The following SPOCK1 variants were observed in gnomAD, a reference collection of about 807,000 sequenced individuals.
SPOCK1 encodes testican-1.
SPOCK1 carries 23 observed loss-of-function variants against 55.3 expected under a neutral mutation model. That is an observed-to-expected ratio of 0.42 (90% CI 0.30 to 0.59). SPOCK1 has a LOEUF of 0.59. Ranked by LOEUF, SPOCK1 falls within the 20% of genes least tolerant of loss-of-function variation. The pLI is 0.22. For missense variants in SPOCK1, 499 were observed against 552.5 expected (o/e 0.90, Z 0.97); for synonymous variants, 226 against 221.0 (o/e 1.02, Z -0.20).
intron 5 of SPOCK1, among the ~76,000 whole-genome samples, chr5:137,090,324 C>T (rs1561605565): frequency 6.6e-6 from 1 of 152,190 alleles, no homozygotes; most frequent in Admixed American, 6.5e-5. Context: ...ACAGACACAT[C>T]TGTGAATACC....
At chr5:137,277,443 C>T (rs1448703245) in intron 2 of SPOCK1, among the ~76,000 whole-genome samples, 2 of 152,104 alleles carry the variant, frequency 1.3e-5, no homozygotes, top group Non-Finnish European at 2.9e-5. Context: ...TGCCTGACTT[C>T]GAAGATCATG....
intron 5 of SPOCK1, among the ~76,000 whole-genome samples, chr5:137,097,870 AC>A (rs1561608083): frequency 2.6e-5 from 4 of 152,198 alleles, no homozygotes; most frequent in African/African-American, 9.6e-5. Context: ...TCTGCCCTCA[AC>A]CAGAGGTGCC....
intron 3 of SPOCK1, among the ~76,000 whole-genome samples, chr5:137,202,815 TA>T (rs1407514549): frequency 6.6e-6 from 1 of 152,218 alleles, no homozygotes; most frequent in Admixed American, 6.5e-5. Context: ...AGTTCTTCTA[TA>T]AATAATCACT....
At chr5:136,996,456 A>G (rs962262437) in intron 6 of SPOCK1, among the ~76,000 whole-genome samples, 1 of 151,812 alleles carries the variant, frequency 6.6e-6, no homozygotes, top group African/African-American at 2.4e-5. Context: ...TGCTCTCCTC[A>G]CCCTCCTGGA....
rs771179313 is a variant in SPOCK1 at position 136,979,323 on chromosome 5, C to G, written c.1129+9G>C. 11 of 1,613,824 alleles carry G rather than the reference C, an allele frequency of 6.8e-6. No individual in the cohort carries two copies. Among genetic ancestry groups the G allele is most frequent in the Non-Finnish European group, 9.3e-6 (11 of 1,179,906 alleles). ...TCATTGTGGGGCTCATGCAGGAGGC[C>G]TTACTCACCACAGCTCACAGCACCC... On this transcript the variant is annotated intron_variant, in intron 10 of 10. Coordinates refer to ENST00000394945, the MANE Select transcript of SPOCK1 (RefSeq NM_004598.4).
chr5:137,165,130 G>C (rs1222762609), intron 3 of SPOCK1, among the ~76,000 whole-genome samples: 1 of 152,228 alleles, frequency 6.6e-6, no homozygotes, highest in Non-Finnish European at 1.5e-5. Flanking sequence ...GTACTGTGCT[G>C]GCTTCACATC....
chr5:136,975,720 TG>T lies in SPOCK1; in HGVS notation c.*2933del, dbSNP rs1317155550. On this transcript the variant is annotated 3_prime_UTR_variant, in exon 11 of 11. Coordinates refer to ENST00000394945, the MANE Select transcript of SPOCK1 (RefSeq NM_004598.4). Reference sequence around the variant, plus strand: ...TCATTTGCTGCTGTGGGTAGGAAAATGGGCGTAAAGGAGGAGAAACAGATAC... The same window carrying T: ...TCATTTGCTGCTGTGGGTAGGAAAATGGCGTAAAGGAGGAGAAACAGATAC... 2.0e-5 allele frequency: 3 copies of T among 151,978 alleles called. No individual in the cohort carries two copies. Among genetic ancestry groups the T allele is most frequent in the Non-Finnish European group, 4.4e-5 (3 of 68,004 alleles). 9.4% of individuals were successfully genotyped at this position (151,978 alleles called of 1,614,324 possible). A position where few individuals can be genotyped will look rare whatever the true frequency, so the allele number is the denominator to read the frequency against.
At chr5:137,153,349 T>C (rs12519378) in intron 3 of SPOCK1, among the ~76,000 whole-genome samples, 7,907 of 152,320 alleles carry the variant, frequency 0.052, 379 homozygotes, top group East Asian at 0.14. Flanking sequence ...ACACTCATTT[T>C]TCTTTTATTG....
At chr5:137,428,428 C>T (rs866391645) in intron 2 of SPOCK1, among the ~76,000 whole-genome samples, 1 of 152,224 alleles carries the variant, frequency 6.6e-6, no homozygotes, top group South Asian at 2.1e-4. Flanking sequence ...GAGAGCCAGT[C>T]CCCAACCTGT....
chr5:137,132,009 TATATATATATAA>T lies in SPOCK1; in HGVS notation c.347+8559_347+8570del, dbSNP rs1486842064. 3.6e-4 allele frequency among the ~76,000 whole-genome samples: 26 copies of T among 72,302 alleles called. 2 individuals carry two copies. Among genetic ancestry groups the T allele is most frequent in the Admixed American group, 1.3e-3 (8 of 6,240 alleles). 47.4% of individuals were successfully genotyped at this position (72,302 alleles called of 152,430 possible). On this transcript the variant is annotated intron_variant, in intron 4 of 10. Coordinates refer to ENST00000394945, the MANE Select transcript of SPOCK1 (RefSeq NM_004598.4). ...AAAAAAATATATATATATATATATA[TATATATATATAA>T]AAAATTAGCTGGGCATGGTGGCAAG...
intron 5 of SPOCK1, among the ~76,000 whole-genome samples, chr5:137,083,573 C>T (rs563730831): frequency 3.3e-5 from 5 of 152,268 alleles, no homozygotes; most frequent in African/African-American, 1.2e-4. Flanking sequence ...ACAAAACAGG[C>T]AAGGCTGCTG....
intron 2 of SPOCK1, among the ~76,000 whole-genome samples, chr5:137,278,148 T>C (rs1034229668): frequency 6.6e-6 from 1 of 152,156 alleles, no homozygotes; most frequent in African/African-American, 2.4e-5. Context: ...CCAAGGAACA[T>C]CTGGGAAAGA....
At chr5:137,413,846 T>C (rs982219435) in intron 2 of SPOCK1, among the ~76,000 whole-genome samples, 1 of 152,154 alleles carries the variant, frequency 6.6e-6, no homozygotes, top group South Asian at 2.1e-4. Flanking sequence ...CATCAACAAC[T>C]AGTTTGTCTA....
intron 2 of SPOCK1, among the ~76,000 whole-genome samples, chr5:137,378,496 A>G (rs60366474): frequency 0.18 from 27,236 of 152,270 alleles, 2,873 homozygotes; most frequent in African/African-American, 0.28. Flanking sequence ...CTTGTCTCAC[A>G]CATGGATGGC....
chr5:137,423,085 G>A (rs1046027580), intron 2 of SPOCK1, among the ~76,000 whole-genome samples: 1 of 152,202 alleles, frequency 6.6e-6, no homozygotes, highest in Non-Finnish European at 1.5e-5. Context: ...CAGCAGCAGA[G>A]GCTGCAGAAC....
chr5:137,463,535 G>A (rs1324667519), intron 2 of SPOCK1, among the ~76,000 whole-genome samples: 1 of 82,064 alleles, frequency 1.2e-5, no homozygotes, highest in Non-Finnish European at 2.4e-5. Context: ...GTGGGGGGGT[G>A]TTGGGAGGAG....
chr5:137,336,105 C>A (rs537230494), intron 2 of SPOCK1, among the ~76,000 whole-genome samples: 2 of 152,302 alleles, frequency 1.3e-5, no homozygotes, highest in East Asian at 3.9e-4. Context: ...ACCATGCTAA[C>A]ACAGGAGTTT....
chr5:137,351,891 G>A (rs2127161273), intron 2 of SPOCK1, among the ~76,000 whole-genome samples: 1 of 152,326 alleles, frequency 6.6e-6, no homozygotes, highest in Admixed American at 6.5e-5. Context: ...TCCCAGCTCA[G>A]CCTCTCATCA....
intron 3 of SPOCK1, among the ~76,000 whole-genome samples, chr5:137,184,471 A>G (rs547587464): frequency 4.2e-4 from 64 of 152,158 alleles, no homozygotes; most frequent in Non-Finnish European, 7.6e-4. Flanking sequence ...AGCACGGGCA[A>G]AGCTTTTCCA....
Sources: gnomAD v4.1 joint callset for allele counts (sites outside exome capture counted in the v4.1 genomes callset) on GRCh38, gnomAD v4.1.1 for gene constraint, MANE v1.5 for transcripts, NCBI Gene and HGNC (gene_info 2026-07-23, HGNC 2026-07-21) for gene names.